Variants in AMBRA1 observed in about 807,000 individuals in gnomAD.
AMBRA1 encodes autophagy and beclin 1 regulator 1.
In AMBRA1, 47 loss-of-function variants were observed where a neutral mutation model predicts 125.4. That is an observed-to-expected ratio of 0.37 (90% CI 0.30 to 0.48). The LOEUF is 0.48. Among genes scored for constraint, AMBRA1 ranks in the 20% least tolerant of loss-of-function variants. AMBRA1 has a pLI of 0.99. For missense variants in AMBRA1, 1,331 were observed against 1,693.4 expected (o/e 0.79, Z 3.76); for synonymous variants, 626 against 655.5 (o/e 0.95, Z 0.69).
At chr11:46,403,470 G>A (rs1945858548) in intron 17 of AMBRA1, among the ~76,000 whole-genome samples, 1 of 152,224 alleles carries the variant, frequency 6.6e-6, no homozygotes, top group Non-Finnish European at 1.5e-5. Context: ...ATGCTCAGAG[G>A]CAGGGCCTTG....
At chr11:46,579,045 T>TTAAAAA (rs755297972) in intron 1 of AMBRA1, among the ~76,000 whole-genome samples, 6 of 68,012 alleles carry the variant, frequency 8.8e-5, no homozygotes, top group Admixed American at 1.7e-4. Flanking sequence ...AAGAAAGCAA[T>TTAAAAA]AAAAAAAAAA....
At chr11:46,465,668 TG>T (rs1177426270) in intron 11 of AMBRA1, among the ~76,000 whole-genome samples, 2 of 152,180 alleles carry the variant, frequency 1.3e-5, no homozygotes, top group African/African-American at 2.4e-5. Flanking sequence ...TATTTACTTT[TG>T]GTTTTTCCTG....
chr11:46,509,486 G>GAT (rs1275159823), intron 8 of AMBRA1, among the ~76,000 whole-genome samples: 1 of 152,068 alleles, frequency 6.6e-6, no homozygotes, highest in Non-Finnish European at 1.5e-5. Flanking sequence ...AGGTTACAAA[G>GAT]ATATATATAA....
chr11:46,477,133 G>A (rs1415710805), intron 11 of AMBRA1, among the ~76,000 whole-genome samples: 1 of 151,198 alleles, frequency 6.6e-6, no homozygotes, highest in Non-Finnish European at 1.5e-5. Flanking sequence ...CTTAAATACT[G>A]AGACCCACAA....
At chr11:46,459,779 G>A (rs1231658295) in intron 11 of AMBRA1, among the ~76,000 whole-genome samples, 2 of 141,666 alleles carry the variant, frequency 1.4e-5, no homozygotes, top group Non-Finnish European at 3.1e-5. Flanking sequence ...CACACACCCT[G>A]GAATACCACA....
chr11:46,469,345 CAG>C (rs2136872205), intron 11 of AMBRA1, among the ~76,000 whole-genome samples: 1 of 151,640 alleles, frequency 6.6e-6, no homozygotes, highest in African/African-American at 2.4e-5. Flanking sequence ...GTTTTAGAAA[CAG>C]AGTACCTTGG....
At chr11:46,440,312 G>A (rs1026587163) in intron 12 of AMBRA1, among the ~76,000 whole-genome samples, 8 of 152,228 alleles carry the variant, frequency 5.3e-5, no homozygotes, top group Admixed American at 2.6e-4. Flanking sequence ...TAAAGAAAAA[G>A]GGCAGGAAGT....
intron 15 of AMBRA1, among the ~76,000 whole-genome samples, chr11:46,412,621 T>C (rs546371599): frequency 6.6e-6 from 1 of 152,300 alleles, no homozygotes; most frequent in East Asian, 1.9e-4. Flanking sequence ...CTGTTTTTTT[T>C]TCCCCAAAAT....
At chr11:46,571,139 T>C (rs893452193) in intron 1 of AMBRA1, among the ~76,000 whole-genome samples, 18 of 152,206 alleles carry the variant, frequency 1.2e-4, no homozygotes, top group African/African-American at 4.3e-4. Context: ...TCCGCTGATA[T>C]TCTATAAATG....
intron 14 of AMBRA1, chr11:46,428,545 C>T: frequency 5.0e-6 from 5 of 998,594 alleles, no homozygotes; most frequent in South Asian, 4.2e-5. Context: ...CTAGGATCTG[C>T]AGCGATTAGG....
intron 1 of AMBRA1, among the ~76,000 whole-genome samples, chr11:46,567,611 T>A (rs1329235628): frequency 6.6e-6 from 1 of 152,092 alleles, no homozygotes; most frequent in African/African-American, 2.4e-5. Flanking sequence ...TTCGCCCGCC[T>A]CAGCCTCCCA....
chr11:46,588,647 T>C (rs1365127386), intron 1 of AMBRA1, among the ~76,000 whole-genome samples: 1 of 151,582 alleles, frequency 6.6e-6, no homozygotes, highest in Non-Finnish European at 1.5e-5. Context: ...GCCAGCCACA[T>C]GCCTGTAGTC....
intron 11 of AMBRA1, among the ~76,000 whole-genome samples, chr11:46,474,854 A>C (rs1237993632): frequency 6.6e-6 from 1 of 152,212 alleles, no homozygotes; most frequent in Non-Finnish European, 1.5e-5. Flanking sequence ...CCCATATCAG[A>C]GCCAGAACAG....
intron 1 of AMBRA1, among the ~76,000 whole-genome samples, chr11:46,553,087 C>T (rs1254735255): frequency 2.0e-5 from 3 of 151,580 alleles, no homozygotes; most frequent in African/African-American, 4.8e-5. Flanking sequence ...GGACTACAGG[C>T]GCCTGCCACC....
intron 1 of AMBRA1, among the ~76,000 whole-genome samples, chr11:46,567,875 G>A (rs542728004): frequency 2.0e-5 from 3 of 152,154 alleles, no homozygotes; most frequent in Admixed American, 6.6e-5. Flanking sequence ...GGGGCTGGGC[G>A]CGGTGGCTCA....
intron 7 of AMBRA1, among the ~76,000 whole-genome samples, chr11:46,540,105 G>A (rs541312735): frequency 6.6e-6 from 1 of 152,254 alleles, no homozygotes; most frequent in African/African-American, 2.4e-5. Context: ...GTTCTTGGAT[G>A]ACAGGCGTGA....
chr11:46,477,946 G>T (rs1053491706), intron 11 of AMBRA1, among the ~76,000 whole-genome samples: 1 of 151,282 alleles, frequency 6.6e-6, no homozygotes, highest in South Asian at 2.1e-4. Flanking sequence ...GCTAATTTTT[G>T]TATTTTAAAA....
intron 1 of AMBRA1, among the ~76,000 whole-genome samples, chr11:46,573,510 G>A (rs920735721): frequency 6.6e-6 from 1 of 151,876 alleles, no homozygotes; most frequent in Non-Finnish European, 1.5e-5. Context: ...GTGTTATCAA[G>A]TCACTTCAAA....
intron 7 of AMBRA1, among the ~76,000 whole-genome samples, chr11:46,539,277 G>A (rs867670313): frequency 6.6e-6 from 1 of 152,066 alleles, no homozygotes; most frequent in Non-Finnish European, 1.5e-5. Flanking sequence ...GAAGTTATCG[G>A]CCAGGCGCAG....
Sources: allele counts gnomAD v4.1 joint callset (sites outside exome capture counted in the v4.1 genomes callset), GRCh38; gene constraint gnomAD v4.1.1; transcripts MANE v1.5; gene names NCBI Gene and HGNC (gene_info 2026-07-23, HGNC 2026-07-21).